The following SLIT2 variants were observed in gnomAD, a reference collection of about 807,000 sequenced individuals.
SLIT2 encodes the protein slit homolog 2 protein.
Under a neutral mutation model 185.7 loss-of-function variants are expected in SLIT2, and 41 were observed. That is an observed-to-expected ratio of 0.22 (90% CI 0.17 to 0.29). The LOEUF is 0.29. Ranked by LOEUF, SLIT2 falls within the 10% of genes least tolerant of loss-of-function variation. SLIT2 has a pLI of 1.00. For missense variants in SLIT2, 1,571 were observed against 1,909.0 expected, an observed-to-expected ratio of 0.82 and a Z score of 3.30; for synonymous variants, 693 against 680.2, an observed-to-expected ratio of 1.02 and a Z score of -0.29.
At chr4:20,566,402 T>C (rs1449526661) in intron 26 of SLIT2, among the ~76,000 whole-genome samples, 2 of 152,076 alleles carry the variant, frequency 1.3e-5, no homozygotes, top group African/African-American at 4.8e-5. Flanking sequence ...CAAAGTATCA[T>C]AGGTGGAACA....
intron 4 of SLIT2, among the ~76,000 whole-genome samples, chr4:20,380,269 A>G (rs559671611): frequency 6.6e-6 from 1 of 152,286 alleles, no homozygotes; most frequent in South Asian, 2.1e-4. Context: ...CATTTCTCAA[A>G]ATGAATAAAC....
Position 20,472,511 on chromosome 4 carries a change from GATAGAT to G in SLIT2, c.467+4692_467+4697del, listed in dbSNP as rs1188330655. Among the ~76,000 whole-genome samples the G allele has an allele frequency of 3.1e-3, 21 of 6,700 alleles. 5 individuals are homozygous for G. Among genetic ancestry groups the G allele is most frequent in the South Asian group, 8.2e-3 (1 of 122 alleles). 4.4% of individuals were successfully genotyped at this position (6,700 alleles called of 152,430 possible). ...ATATATAGATATATATCTATATATA[GATAGAT>G]ATATATCTATATATAGATATATCTA... On this transcript the variant is annotated intron_variant, in intron 5 of 36. Coordinates refer to ENST00000504154, the MANE Select transcript of SLIT2 (RefSeq NM_004787.4).
intron 4 of SLIT2, among the ~76,000 whole-genome samples, chr4:20,464,930 C>A (rs1236600154): frequency 1.3e-5 from 2 of 152,068 alleles, no homozygotes; most frequent in African/African-American, 4.8e-5. Flanking sequence ...AGGAAATTGG[C>A]CTTACCCAAC....
chr4:20,471,906 T>G (rs1715074026), intron 5 of SLIT2, among the ~76,000 whole-genome samples: 1 of 152,064 alleles, frequency 6.6e-6, no homozygotes. Context: ...TCTATTCATT[T>G]CTTAACTCGA....
chr4:20,584,932 G>A (rs1265385134), intron 29 of SLIT2, among the ~76,000 whole-genome samples: 1 of 152,116 alleles, frequency 6.6e-6, no homozygotes, highest in Non-Finnish European at 1.5e-5. Flanking sequence ...GCATGTGCCT[G>A]TAATCCCAGC....
At chr4:20,580,014 ATAT>A (rs889855355) in intron 29 of SLIT2, among the ~76,000 whole-genome samples, 5 of 143,872 alleles carry the variant, frequency 3.5e-5, no homozygotes, top group Admixed American at 1.5e-4. Context: ...CATATATAAT[ATAT>A]TATTATATAT....
intron 3 of SLIT2, among the ~76,000 whole-genome samples, chr4:20,261,733 A>G (rs935230943): frequency 6.6e-6 from 1 of 151,908 alleles, no homozygotes; most frequent in Admixed American, 6.6e-5. Context: ...TGAAATGCAT[A>G]TATGCCTAGG....
chr4:20,315,175 T>G (rs1157073010), intron 4 of SLIT2, among the ~76,000 whole-genome samples: 1 of 152,120 alleles, frequency 6.6e-6, no homozygotes, highest in Non-Finnish European at 1.5e-5. Flanking sequence ...GAATAAAACC[T>G]TAGAGTTTCT....
intron 4 of SLIT2, 125 bp downstream of exon 4, chr4:20,269,006 T>G: frequency 6.1e-6 from 4 of 651,596 alleles, no homozygotes; most frequent in Non-Finnish European, 1.1e-5. Flanking sequence ...GATTAAAAGT[T>G]TGTGTTTTTT....
intron 9 of SLIT2, among the ~76,000 whole-genome samples, chr4:20,504,949 A>C (rs1719068298): frequency 6.6e-6 from 1 of 152,096 alleles, no homozygotes; most frequent in Non-Finnish European, 1.5e-5. Flanking sequence ...CATATAGGAA[A>C]AAAAAGTGTA....
At position 20,491,898 on chromosome 4, in the gene SLIT2, A is replaced by G. The variant is rs1268340305; in HGVS notation, c.913A>G (p.Ile305Val). The change falls in exon 9 of 37, where the codon ATA (isoleucine) becomes GTA (valine). Residue 305 changes from isoleucine (I) to valine (V), a missense_variant and splice_region_variant. Around this residue, in one of 3 missense-constraint regions of SLIT2, gnomAD observed 1,202 missense variants for 1,416.4 expected, o/e 0.85. Transcript: ENST00000504154. ...PTNLPETITE[I>V]RLEQNTIKVI... ...AAATCTTCCAGAGACCATCACAGAAATGTATGTGCCTGAAATTCTTTCTTA... is the reference window on the plus strand; with the variant it reads ...AAATCTTCCAGAGACCATCACAGAAGTGTATGTGCCTGAAATTCTTTCTTA... 1 of 1,611,504 alleles carries G rather than the reference A, an allele frequency of 6.2e-7. No homozygotes were observed. The highest frequency in any genetic ancestry group is 8.5e-7 in the Non-Finnish European group (1 of 1,179,280).
intron 4 of SLIT2, among the ~76,000 whole-genome samples, chr4:20,281,551 C>T (rs1370119991): frequency 6.6e-6 from 1 of 152,146 alleles, no homozygotes. Context: ...GAGAGCTTCT[C>T]TCTGACTTGG....
At chr4:20,490,233 C>T (rs1329675310) in intron 8 of SLIT2, among the ~76,000 whole-genome samples, 1 of 152,170 alleles carries the variant, frequency 6.6e-6, no homozygotes, top group African/African-American at 2.4e-5. Context: ...CCTCACTTCA[C>T]CTCCCTTATA....
intron 4 of SLIT2, among the ~76,000 whole-genome samples, chr4:20,365,383 CTTTACT>C (rs1200660949): frequency 6.6e-6 from 1 of 152,122 alleles, no homozygotes; most frequent in Non-Finnish European, 1.5e-5. Context: ...GCCGTATCAT[CTTTACT>C]ATGTGAACGT....
intron 4 of SLIT2, among the ~76,000 whole-genome samples, chr4:20,405,461 G>A (rs1726704242): frequency 6.6e-6 from 1 of 151,954 alleles, no homozygotes; most frequent in Non-Finnish European, 1.5e-5. Flanking sequence ...TAGGAGGACA[G>A]AAACATTTTT....
chr4:20,411,138 T>G (rs1727227392), intron 4 of SLIT2, among the ~76,000 whole-genome samples: 1 of 152,202 alleles, frequency 6.6e-6, no homozygotes, highest in Non-Finnish European at 1.5e-5. Context: ...ACTTCCCTTG[T>G]TAACTGTAGT....
intron 4 of SLIT2, among the ~76,000 whole-genome samples, chr4:20,448,125 T>C: frequency 6.6e-6 from 1 of 152,200 alleles, no homozygotes; most frequent in East Asian, 1.9e-4. Context: ...ATTGTGTTTT[T>C]GAAACACTTA....
intron 4 of SLIT2, among the ~76,000 whole-genome samples, chr4:20,436,290 A>G (rs1729338214): frequency 6.6e-6 from 1 of 152,234 alleles, no homozygotes; most frequent in Non-Finnish European, 1.5e-5. Context: ...AGTAAAAACT[A>G]TATGCTTGTT....
At chr4:20,517,170 T>A (rs1303956941) in intron 11 of SLIT2, among the ~76,000 whole-genome samples, 1 of 152,182 alleles carries the variant, frequency 6.6e-6, no homozygotes, top group East Asian at 1.9e-4. Context: ...ATCAGACTCT[T>A]TGACTATTCA....
Sources: allele counts gnomAD v4.1 joint callset (sites outside exome capture counted in the v4.1 genomes callset), GRCh38; gene constraint gnomAD v4.1.1; regional missense constraint gnomAD v4.1.1; transcripts MANE v1.5; gene names NCBI Gene and HGNC (gene_info 2026-07-23, HGNC 2026-07-21).